SKAP1: variants seen among roughly 807,000 people sequenced by gnomAD.
SKAP1 encodes src kinase associated phosphoprotein 1.
SKAP1 carries 44 observed loss-of-function variants against 58.5 expected under a neutral mutation model. The ratio of observed to expected loss-of-function variants is 0.75; its 90% CI spans 0.59 to 0.97. The LOEUF is 0.97. SKAP1 is among the 50% of genes least tolerant of loss of function. The probability of loss-of-function intolerance (pLI) is 0.00; values close to 1 mark genes in which losing one functional copy is unlikely to be tolerated. For synonymous variants in SKAP1, 127 were observed against 149.7 expected (o/e 0.85, Z 1.11); for missense variants, 390 against 435.2 (o/e 0.90, Z 0.92).
chr17:48,413,498 G>A (rs2067691123), intron 1 of SKAP1, among the ~76,000 whole-genome samples: 1 of 108,374 alleles, frequency 9.2e-6, no homozygotes, highest in Non-Finnish European at 1.8e-5. Flanking sequence ...TAGGCAATAA[G>A]AGCAAAACTC....
At chr17:48,341,889 A>C (rs907420201) in intron 4 of SKAP1, among the ~76,000 whole-genome samples, 2 of 152,224 alleles carry the variant, frequency 1.3e-5, no homozygotes, top group Non-Finnish European at 2.9e-5. Context: ...ACAAATAAAT[A>C]CATTATCATA....
intron 2 of SKAP1, among the ~76,000 whole-genome samples, chr17:48,386,877 G>A (rs1201994342): frequency 6.6e-6 from 1 of 152,128 alleles, no homozygotes; most frequent in African/African-American, 2.4e-5. Context: ...ATTTCAAACA[G>A]GGCACCTAAA....
At chr17:48,371,449 T>TGAGGCCAAGGCAGGTAGGTTGCTTGG in intron 2 of SKAP1, among the ~76,000 whole-genome samples, 1 of 151,898 alleles carries the variant, frequency 6.6e-6, no homozygotes, top group African/African-American at 2.4e-5. Flanking sequence ...CTCAGAGCTT[T>TGAGGCCAAGGCAGGTAGGTTGCTTGG]ATTCCCTCAG....
At chr17:48,256,395 A>T (rs953884735) in intron 4 of SKAP1, among the ~76,000 whole-genome samples, 2 of 152,142 alleles carry the variant, frequency 1.3e-5, no homozygotes, top group Non-Finnish European at 2.9e-5. Context: ...TTAAAGGTGA[A>T]AGTGGTTAGC....
At position 48,428,985 on chromosome 17, in the gene SKAP1, C is replaced by A. The variant is rs2067882467; in HGVS notation, c.46+1090G>T. ...ATGGAAATAGTGCTACAGACAGAGACCAAAAGGACTTGCCAAATATTTGAT... is the reference window on the plus strand; with the variant it reads ...ATGGAAATAGTGCTACAGACAGAGAACAAAAGGACTTGCCAAATATTTGAT... On this transcript the variant is annotated intron_variant, in intron 1 of 12. Transcript: ENST00000336915. Among the ~76,000 whole-genome samples the A allele has an allele frequency of 2.0e-5, 3 of 152,148 alleles. No homozygotes were observed. In the South Asian group the frequency reaches 6.3e-4, roughly 32 times the overall value.
chr17:48,281,270 C>G (rs2065763430), intron 4 of SKAP1, among the ~76,000 whole-genome samples: 2 of 152,102 alleles, frequency 1.3e-5, no homozygotes. Flanking sequence ...GTGATCCACC[C>G]ACCTCGGCCT....
intron 9 of SKAP1, 35 bp downstream of exon 9, chr17:48,180,019 C>T (rs751823693): frequency 4.6e-6 from 7 of 1,517,780 alleles, no homozygotes; most frequent in Non-Finnish European, 6.2e-6. Context: ...ATTTCTGAAA[C>T]TAGCATAAGA....
intron 4 of SKAP1, among the ~76,000 whole-genome samples, chr17:48,264,871 A>C (rs1382570811): frequency 6.6e-6 from 1 of 151,792 alleles, no homozygotes; most frequent in Non-Finnish European, 1.5e-5. Flanking sequence ...ATAAGTGATG[A>C]GCTATGCTGC....
chr17:48,222,957 G>A (rs1015724514), intron 4 of SKAP1, among the ~76,000 whole-genome samples: 5 of 150,274 alleles, frequency 3.3e-5, no homozygotes, highest in African/African-American at 4.9e-5. Flanking sequence ...CCAGCTACTC[G>A]GGAGGCTGAG....
chr17:48,324,902 T>C (rs2066413192), intron 4 of SKAP1, among the ~76,000 whole-genome samples: 1 of 152,124 alleles, frequency 6.6e-6, no homozygotes, highest in Admixed American at 6.6e-5. Context: ...TTTCACCTAC[T>C]GCCACCCAAC....
chr17:48,157,582 T>G (rs570036980), intron 11 of SKAP1, among the ~76,000 whole-genome samples: 12 of 147,836 alleles, frequency 8.1e-5, no homozygotes, highest in South Asian at 2.1e-4. Flanking sequence ...CAGGCTGGAG[T>G]GCAGTGGCAC....
At chr17:48,371,836 CAAAAA>C (rs1440793501) in intron 2 of SKAP1, among the ~76,000 whole-genome samples, 1 of 119,298 alleles carries the variant, frequency 8.4e-6, no homozygotes, top group Non-Finnish European at 1.8e-5. Context: ...GACCCTGTCT[CAAAAA>C]AAAAAAGAAA....
intron 2 of SKAP1, among the ~76,000 whole-genome samples, chr17:48,395,205 A>G (rs941469328): frequency 6.6e-6 from 1 of 152,224 alleles, no homozygotes; most frequent in African/African-American, 2.4e-5. Context: ...GTATAATAAT[A>G]TGCAGCTGAC....
chr17:48,269,203 T>C (rs970909808), intron 4 of SKAP1, among the ~76,000 whole-genome samples: 1 of 151,920 alleles, frequency 6.6e-6, no homozygotes, highest in Non-Finnish European at 1.5e-5. Context: ...AGTCAAATTA[T>C]AGAAAAACCA....
intron 4 of SKAP1, among the ~76,000 whole-genome samples, chr17:48,230,310 T>C (rs2065112926): frequency 6.6e-6 from 1 of 152,210 alleles, no homozygotes; most frequent in Admixed American, 6.5e-5. Flanking sequence ...TTCTTGTCCA[T>C]ACTAGGTTAA....
chr17:48,385,598 A>G lies in SKAP1; in HGVS notation c.152+11082T>C, dbSNP rs78844638. ...AAAGGACAGGGTACTGTAAAGCCAC[A>G]AAGACAAACTTTAAAAGGGGAGAGG... On this transcript the variant is annotated intron_variant, in intron 2 of 12. Coordinates refer to ENST00000336915, the MANE Select transcript of SKAP1 (RefSeq NM_003726.4). Among the ~76,000 whole-genome samples the G allele has an allele frequency of 3.1e-3, 467 of 152,314 alleles. 4 individuals carry two copies. The highest frequency in any genetic ancestry group is 0.011 in the African/African-American group (447 of 41,568).
At chr17:48,332,730 T>C (rs958902010) in intron 4 of SKAP1, among the ~76,000 whole-genome samples, 5 of 152,142 alleles carry the variant, frequency 3.3e-5, no homozygotes, top group African/African-American at 1.2e-4. Context: ...CTGAAAGAAT[T>C]GAGGGAAAAA....
At chr17:48,406,830 T>C (rs1361265452) in intron 1 of SKAP1, among the ~76,000 whole-genome samples, 1 of 152,132 alleles carries the variant, frequency 6.6e-6, no homozygotes, top group East Asian at 1.9e-4. Flanking sequence ...CCTCCCAAAG[T>C]GCTGGGATTA....
chr17:48,439,756 G>T, the SKAP1 span, among the ~76,000 whole-genome samples: 1 of 152,210 alleles, frequency 6.6e-6, no homozygotes, highest in Non-Finnish European at 1.5e-5. Flanking sequence ...GCTCCATATG[G>T]CCACTATGAC....
Sources: gnomAD v4.1 joint callset for allele counts (sites outside exome capture counted in the v4.1 genomes callset) on GRCh38, gnomAD v4.1.1 for gene constraint, MANE v1.5 for transcripts, NCBI Gene and HGNC (gene_info 2026-07-23, HGNC 2026-07-21) for gene names.